Variants in ELAVL2 observed in about 807,000 individuals in gnomAD.
ELAVL2 encodes ELAV like RNA binding protein 2, also known as ELAV-like protein 2.
A neutral mutation model predicts 34.6 loss-of-function variants in ELAVL2; 4 were observed. The observed-to-expected ratio is 0.12, with a 90% CI of 0.06 to 0.26. The LOEUF (loss-of-function observed/expected upper bound fraction) is 0.26, where lower values mean the gene tolerates loss of function less well. ELAVL2 is among the 10% of genes least tolerant of loss of function. The probability of loss-of-function intolerance (pLI) is 1.00; values close to 1 mark genes in which losing one functional copy is unlikely to be tolerated. For synonymous variants in ELAVL2, 193 were observed against 154.8 expected (o/e 1.25, Z -1.83); for missense variants, 432 against 442.8 (o/e 0.98, Z 0.22).
chr9:23,745,555 AACAT>A (rs1172337435), intron 2 of ELAVL2, among the ~76,000 whole-genome samples: 1 of 152,178 alleles, frequency 6.6e-6, no homozygotes, highest in African/African-American at 2.4e-5. Context: ...TGGGAAAAAA[AACAT>A]ACTGTAATAA....
At chr9:23,726,621 C>T (rs1462269079) in intron 3 of ELAVL2, among the ~76,000 whole-genome samples, 1 of 151,938 alleles carries the variant, frequency 6.6e-6, no homozygotes, top group Non-Finnish European at 1.5e-5. Context: ...ATGCTGGGAG[C>T]CACGTATCCA....
intron 2 of ELAVL2, among the ~76,000 whole-genome samples, chr9:23,759,576 G>T (rs1385693382): frequency 1.3e-5 from 2 of 151,234 alleles, no homozygotes; most frequent in East Asian, 1.9e-4. Context: ...AAGAAATTAT[G>T]AATGTTTGAG....
intron 1 of ELAVL2, among the ~76,000 whole-genome samples, chr9:23,789,931 C>G (rs747483996): frequency 9.9e-5 from 15 of 152,090 alleles, no homozygotes; most frequent in Admixed American, 7.2e-4. Context: ...GTAGGACACT[C>G]AGAGGTAAGG....
upstream of ELAVL2, among the ~76,000 whole-genome samples, chr9:23,831,063 A>G (rs2065485562): frequency 6.6e-6 from 1 of 152,230 alleles, no homozygotes. Flanking sequence ...TCCAAAGTTA[A>G]AGGAAACCAT....
At chr9:23,721,029 A>C (rs1219577161) in intron 3 of ELAVL2, among the ~76,000 whole-genome samples, 1 of 152,226 alleles carries the variant, frequency 6.6e-6, no homozygotes, top group Non-Finnish European at 1.5e-5. Flanking sequence ...AACTCTGGGC[A>C]TATTAGGGTT....
At chr9:23,741,508 T>C (rs2049172186) in intron 2 of ELAVL2, among the ~76,000 whole-genome samples, 1 of 151,896 alleles carries the variant, frequency 6.6e-6, no homozygotes, top group East Asian at 1.9e-4. Flanking sequence ...CCCTCCCCTC[T>C]CAACTCTTTA....
chr9:23,815,818 G>A (rs577706438), intron 1 of ELAVL2, among the ~76,000 whole-genome samples: 130 of 152,206 alleles, frequency 8.5e-4, no homozygotes, highest in African/African-American at 2.8e-3. Flanking sequence ...TTGGCCGCAC[G>A]GGCACGGTGA....
At chr9:23,712,610 A>G (rs2041274112) in intron 3 of ELAVL2, among the ~76,000 whole-genome samples, 1 of 152,172 alleles carries the variant, frequency 6.6e-6, no homozygotes, top group Non-Finnish European at 1.5e-5. Flanking sequence ...ATTAAAACGT[A>G]CCAACCTACA....
chr9:23,713,904 T>C (rs1367724271), intron 3 of ELAVL2, among the ~76,000 whole-genome samples: 1 of 152,172 alleles, frequency 6.6e-6, no homozygotes, highest in Non-Finnish European at 1.5e-5. Flanking sequence ...GTCCAGGTCT[T>C]GGCTCTGTTA....
upstream of ELAVL2, among the ~76,000 whole-genome samples, chr9:23,827,891 C>T (rs757741265): frequency 3.9e-5 from 6 of 152,074 alleles, no homozygotes; most frequent in Non-Finnish European, 8.8e-5. Context: ...ATGACAATAC[C>T]TGGGGCTTGA....
chr9:23,841,922 ACTTTTT>A, the ELAVL2 span, among the ~76,000 whole-genome samples: 2 of 152,106 alleles, frequency 1.3e-5, no homozygotes, highest in African/African-American at 4.8e-5. Context: ...AATTAAGTAA[ACTTTTT>A]CTTTTTCAAT....
chr9:23,785,078 C>T (rs1336294386), intron 1 of ELAVL2, among the ~76,000 whole-genome samples: 1 of 152,150 alleles, frequency 6.6e-6, no homozygotes, highest in Non-Finnish European at 1.5e-5. Flanking sequence ...TCTTAAATGC[C>T]TTTCCTTGGC....
At chr9:23,800,442 C>G (rs187970956) in intron 1 of ELAVL2, among the ~76,000 whole-genome samples, 90 of 152,262 alleles carry the variant, frequency 5.9e-4, no homozygotes, top group African/African-American at 2.0e-3. Flanking sequence ...GCAAATGGCA[C>G]CATGCTTACA....
At chr9:23,826,932 C>A (rs2065333478), upstream of ELAVL2, among the ~76,000 whole-genome samples, 1 of 152,056 alleles carries the variant, frequency 6.6e-6, no homozygotes, top group Non-Finnish European at 1.5e-5. Flanking sequence ...CCCCATGAAC[C>A]CCTTTTTAAA....
chr9:23,828,174 G>A (rs1366910454), upstream of ELAVL2, among the ~76,000 whole-genome samples: 1 of 152,082 alleles, frequency 6.6e-6, no homozygotes, highest in East Asian at 1.9e-4. Context: ...CCCTCCCCTT[G>A]TCCCCAGCTC....
intron 3 of ELAVL2, among the ~76,000 whole-genome samples, chr9:23,715,445 G>A (rs1421646258): frequency 6.6e-6 from 1 of 152,216 alleles, no homozygotes; most frequent in Non-Finnish European, 1.5e-5. Context: ...ACCACGCCCA[G>A]CTAGGAGGTT....
At chr9:23,738,321 T>C (rs1462655105) in intron 2 of ELAVL2, among the ~76,000 whole-genome samples, 1 of 152,230 alleles carries the variant, frequency 6.6e-6, no homozygotes, top group African/African-American at 2.4e-5. Flanking sequence ...TGACTTAGCC[T>C]GAGTCTCCTC....
chr9:23,788,192 A>G (rs1277540241), intron 1 of ELAVL2, among the ~76,000 whole-genome samples: 2 of 152,224 alleles, frequency 1.3e-5, no homozygotes, highest in African/African-American at 2.4e-5. Flanking sequence ...CCAATGGACC[A>G]GGATATAAAA....
At chr9:23,715,468 C>G (rs1485258697) in intron 3 of ELAVL2, among the ~76,000 whole-genome samples, 6 of 152,218 alleles carry the variant, frequency 3.9e-5, no homozygotes, top group Non-Finnish European at 8.8e-5. Context: ...TCTGAAGTAC[C>G]TCTCAAGCAA....
Sources: allele counts gnomAD v4.1 joint callset (sites outside exome capture counted in the v4.1 genomes callset), GRCh38; gene constraint gnomAD v4.1.1; transcripts MANE v1.5; gene names NCBI Gene and HGNC (gene_info 2026-07-23, HGNC 2026-07-21).